YEATS2: variants seen among roughly 807,000 people sequenced by gnomAD.
The protein encoded by YEATS2 is YEATS domain containing 2.
Under a neutral mutation model 163.2 loss-of-function variants are expected in YEATS2, and 77 were observed. The observed-to-expected ratio is 0.47, with a 90% CI of 0.39 to 0.57. The LOEUF is 0.57. Among genes scored for constraint, YEATS2 ranks in the 20% least tolerant of loss-of-function variants. YEATS2 has a pLI of 0.00. For missense variants in YEATS2, 1,549 were observed against 1,729.8 expected, an observed-to-expected ratio of 0.90 and a Z score of 1.85; for synonymous variants, 631 against 645.1, an observed-to-expected ratio of 0.98 and a Z score of 0.33.
intron 2 of YEATS2, 50 bp downstream of exon 2, chr3:183,715,312 C>T (rs912219783): frequency 1.5e-6 from 2 of 1,344,078 alleles, no homozygotes; most frequent in Non-Finnish European, 2.1e-6. Context: ...TATGCCTCCG[C>T]TAGAAAACTT....
intron 27 of YEATS2, among the ~76,000 whole-genome samples, chr3:183,804,456 C>T (rs990656124): frequency 6.6e-6 from 1 of 152,230 alleles, no homozygotes; most frequent in Non-Finnish European, 1.5e-5. Flanking sequence ...ATCATTTCTT[C>T]TTTGAAGACT....
chr3:183,772,178 C>T, intron 15 of YEATS2, 127 bp from the exon 16 acceptor site: 1 of 1,321,184 alleles, frequency 7.6e-7, no homozygotes, highest in Non-Finnish European at 1.1e-6. Context: ...GTGTAGGTAG[C>T]TTTCCTAGAT....
At chr3:183,757,605 G>T (rs953620227) in intron 12 of YEATS2, among the ~76,000 whole-genome samples, 2 of 152,188 alleles carry the variant, frequency 1.3e-5, no homozygotes, top group East Asian at 3.9e-4. Context: ...TTAAACACAC[G>T]CTCCTAACTA....
At chr3:183,714,627 A>G (rs1397307385) in intron 1 of YEATS2, among the ~76,000 whole-genome samples, 2 of 152,162 alleles carry the variant, frequency 1.3e-5, no homozygotes, top group Non-Finnish European at 2.9e-5. Flanking sequence ...ATGATCAGTA[A>G]TAGTGATACC....
intron 7 of YEATS2, among the ~76,000 whole-genome samples, chr3:183,731,589 T>C (rs1717783972): frequency 6.6e-6 from 1 of 152,208 alleles, no homozygotes; most frequent in African/African-American, 2.4e-5. Flanking sequence ...CTAAGAAGTC[T>C]TTACTAATCT....
At chr3:183,793,225 A>G in intron 21 of YEATS2, 1 of 1,240,436 alleles carries the variant, frequency 8.1e-7, no homozygotes, top group Non-Finnish European at 1.0e-6. Flanking sequence ...CTGCCTTTGG[A>G]TAAGAGGCTG....
intron 1 of YEATS2, among the ~76,000 whole-genome samples, chr3:183,701,884 TCC>T (rs773692508): frequency 2.6e-5 from 4 of 152,048 alleles, no homozygotes; most frequent in Non-Finnish European, 4.4e-5. Flanking sequence ...CTTAACAGGT[TCC>T]CCACAGCTCA....
chr3:183,801,765 A>G (rs1269298764), intron 25 of YEATS2: 4 of 407,530 alleles, frequency 9.8e-6, no homozygotes, highest in African/African-American at 8.2e-5. Context: ...TCATATGTAA[A>G]TCATAGATTG....
intron 7 of YEATS2, among the ~76,000 whole-genome samples, chr3:183,734,487 C>T (rs938180493): frequency 1.3e-5 from 2 of 152,150 alleles, no homozygotes; most frequent in Non-Finnish European, 2.9e-5. Context: ...AACAGTGAAA[C>T]GTAGGAATGC....
chr3:183,777,755 C>T lies in YEATS2; in HGVS notation c.2736+55C>T, dbSNP rs1723140532. ...ATGGGGTGATTATGGCATTTATTTA[C>T]ATATTTACATGTAGTTTCTCTCTTT... On this transcript the variant is annotated intron_variant, in intron 19 of 30. Coordinates refer to ENST00000305135, the MANE Select transcript of YEATS2 (RefSeq NM_018023.5). The T allele has an allele frequency of 4.5e-6, 7 of 1,555,718 alleles. No individual in the cohort carries two copies. The African/African-American group carries it at 6.9e-5, about 15-fold the overall frequency.
chr3:183,770,703 T>C (rs1447178867), intron 15 of YEATS2, among the ~76,000 whole-genome samples: 2 of 152,220 alleles, frequency 1.3e-5, no homozygotes, highest in Admixed American at 1.3e-4. Flanking sequence ...GAATACATAG[T>C]CATAGGAAAC....
intron 4 of YEATS2, among the ~76,000 whole-genome samples, chr3:183,721,019 A>G (rs891495994): frequency 7.2e-5 from 11 of 152,158 alleles, no homozygotes. Flanking sequence ...TTACATGAGC[A>G]ATGATTCTGT....
At chr3:183,777,392 C>G in intron 18 of YEATS2, 150 bp from the exon 19 acceptor site, 1 of 813,578 alleles carries the variant, frequency 1.2e-6, no homozygotes, top group Non-Finnish European at 1.9e-6. Flanking sequence ...CACAACTATT[C>G]TTTTGAATTA....
At chr3:183,702,682 C>CA (rs1006122104) in intron 1 of YEATS2, among the ~76,000 whole-genome samples, 7 of 151,470 alleles carry the variant, frequency 4.6e-5, no homozygotes, top group Non-Finnish European at 1.0e-4. Context: ...ACTAAAAATA[C>CA]AAAAAAATTA....
chr3:183,711,059 A>AT (rs1174720706), intron 1 of YEATS2, among the ~76,000 whole-genome samples: 1 of 151,616 alleles, frequency 6.6e-6, no homozygotes, highest in African/African-American at 2.4e-5. Context: ...AATTAAGTTT[A>AT]TTTTTTTTTA....
Position 183,722,022 on chromosome 3 carries a change from T to A in YEATS2, c.423T>A (p.Asp141Glu), listed in dbSNP as rs1717194136. ...ETPSANHSES[D>E]SLSQHNDFLS... ...CATCAGCCAATCATTCAGAAAGTGA[T>A]TCTTTATCTCAGCACAATGACTTCT... Residue 141 changes from aspartate (D) to glutamate (E), a missense_variant, in exon 5 of 31, where the codon GAT becomes GAA. Transcript: ENST00000305135. 1 of 1,614,058 alleles carries A rather than the reference T, an allele frequency of 6.2e-7. No individual in the cohort carries two copies. Among genetic ancestry groups the A allele is most frequent in the African/African-American group, 1.3e-5 (1 of 74,924 alleles).
intron 7 of YEATS2, among the ~76,000 whole-genome samples, chr3:183,729,156 C>T (rs896489292): frequency 1.3e-5 from 2 of 152,142 alleles, no homozygotes; most frequent in Non-Finnish European, 2.9e-5. Flanking sequence ...CCTGTAGTCC[C>T]AGCCACTAGG....
rs1726900766 is a variant in YEATS2 at position 183,812,597 on chromosome 3, G to C, written c.*2014G>C. ...ATGTGTATAATTGTGTAACAAAATT[G>C]TCTACAATAAATCTTTTGGTATTTG... On this transcript the variant is annotated 3_prime_UTR_variant, in exon 31 of 31. Transcript: ENST00000305135. 1 of 152,614 alleles carries C rather than the reference G, an allele frequency of 6.6e-6. No homozygotes were observed. The highest frequency in any genetic ancestry group is 6.5e-5 in the Admixed American group (1 of 15,290). 9.5% of individuals were successfully genotyped at this position (152,614 alleles called of 1,614,324 possible).
chr3:183,806,730 T>C (rs1423968969), intron 27 of YEATS2, 136 bp from the exon 28 acceptor site: 4 of 793,330 alleles, frequency 5.0e-6, no homozygotes, highest in Admixed American at 5.4e-5. Flanking sequence ...TATAGATCCA[T>C]AGAATGTTAG....
Sources: allele counts gnomAD v4.1 joint callset (sites outside exome capture counted in the v4.1 genomes callset), GRCh38; gene constraint gnomAD v4.1.1; transcripts MANE v1.5; gene names NCBI Gene and HGNC (gene_info 2026-07-23, HGNC 2026-07-21).